Variants in BCAR3 observed in about 807,000 individuals in gnomAD.
BCAR3 encodes BCAR3 adaptor protein, NSP family member, also known as breast cancer anti-estrogen resistance protein 3.
Under a neutral mutation model 80.1 loss-of-function variants are expected in BCAR3, and 37 were observed. The observed-to-expected ratio is 0.46, with a 90% CI of 0.36 to 0.61. The LOEUF is 0.61. Among genes scored for constraint, BCAR3 ranks in the 20% least tolerant of loss-of-function variants. The pLI is 0.00. For missense variants in BCAR3, 978 were observed against 1,068.2 expected, an observed-to-expected ratio of 0.92 and a Z score of 1.18; for synonymous variants, 389 against 418.9, an observed-to-expected ratio of 0.93 and a Z score of 0.87.
At chr1:93,736,888 A>G (rs1036062190) in intron 2 of BCAR3, among the ~76,000 whole-genome samples, 1 of 152,192 alleles carries the variant, frequency 6.6e-6, no homozygotes, top group Non-Finnish European at 1.5e-5. Context: ...ATTTTATGCT[A>G]TAGACCTTTC....
intron 3 of BCAR3, chr1:93,599,169 G>A (rs1674539240): frequency 6.6e-6 from 1 of 152,128 alleles, no homozygotes; most frequent in South Asian, 2.1e-4. Context: ...AGATGGAACT[G>A]AGCGAAGAAG....
intron 2 of BCAR3, among the ~76,000 whole-genome samples, chr1:93,728,443 GA>G (rs1650670696): frequency 1.3e-5 from 2 of 152,226 alleles, no homozygotes; most frequent in African/African-American, 4.8e-5. Context: ...AGTTCAATTA[GA>G]CCCTCTACCC....
intron 3 of BCAR3, among the ~76,000 whole-genome samples, chr1:93,593,344 C>CA: frequency 6.6e-6 from 1 of 152,168 alleles, no homozygotes; most frequent in Non-Finnish European, 1.5e-5. Context: ...TATCACACTA[C>CA]TTTTTAAAAA....
chr1:93,751,766 G>A (rs1283745027), intron 2 of BCAR3, among the ~76,000 whole-genome samples: 1 of 152,164 alleles, frequency 6.6e-6, no homozygotes, highest in Non-Finnish European at 1.5e-5. Flanking sequence ...ACATGCTGGT[G>A]CTCTCAGCCA....
chr1:93,719,507 AT>A (rs1239186563), intron 2 of BCAR3, among the ~76,000 whole-genome samples: 1 of 151,158 alleles, frequency 6.6e-6, no homozygotes, highest in Non-Finnish European at 1.5e-5. Context: ...CGCCCGGCTA[AT>A]TTTTTTGTAT....
intron 2 of BCAR3, among the ~76,000 whole-genome samples, chr1:93,798,477 C>G (rs1399141009): frequency 6.6e-6 from 1 of 152,104 alleles, no homozygotes; most frequent in Non-Finnish European, 1.5e-5. Flanking sequence ...TCCAGAAGAT[C>G]AGAAACTTGA....
chr1:93,656,493 G>T (rs1647385400), intron 2 of BCAR3, among the ~76,000 whole-genome samples: 1 of 150,652 alleles, frequency 6.6e-6, no homozygotes, highest in African/African-American at 2.4e-5. Flanking sequence ...ATTATAGTAG[G>T]TTCTTTTTAT....
Position 93,739,449 on chromosome 1 carries a change from T to C in BCAR3, c.-62-33307A>G, listed in dbSNP as rs541232853. Among the ~76,000 whole-genome samples the C allele has an allele frequency of 5.3e-5, 8 of 152,356 alleles. No individual in the cohort carries two copies. In the South Asian group the frequency reaches 1.7e-3, roughly 32 times the overall value. ...TTAAAATCTTTATGTTTTAATCTTT[T>C]AATACAGTATTAAAATATTCTAAAA... is the stretch of plus-strand genomic sequence containing the variant. On this transcript the variant is annotated intron_variant, in intron 2 of 13. Coordinates refer to the BCAR3 transcript ENST00000370244.
In BCAR3 at chr1:93,749,269, AC is replaced by A. The variant is rs561726478; in HGVS notation, c.-62-43128del. On this transcript the variant is annotated intron_variant, in intron 2 of 13. Transcript: ENST00000370244. Reference sequence around the variant, plus strand: ...TTTCTTCATGGTTTTCCCTCTTATTACCCTTTCCTCACAGTATTTTTAAAAA... The same window carrying A: ...TTTCTTCATGGTTTTCCCTCTTATTACCTTTCCTCACAGTATTTTTAAAAA... 6.4e-3 allele frequency among the ~76,000 whole-genome samples: 976 copies of A among 151,710 alleles called. 15 individuals are homozygous for A. The highest frequency in any genetic ancestry group is 0.023 in the African/African-American group (947 of 41,306).
At chr1:93,622,178 C>T (rs571460388) in intron 3 of BCAR3, among the ~76,000 whole-genome samples, 2 of 152,302 alleles carry the variant, frequency 1.3e-5, no homozygotes, top group South Asian at 4.1e-4. Context: ...GGATTACAGG[C>T]GTGAGCCACC....
At chr1:93,680,448 C>T (rs996496243) in intron 1 of BCAR3, among the ~76,000 whole-genome samples, 1 of 152,156 alleles carries the variant, frequency 6.6e-6, no homozygotes, top group Non-Finnish European at 1.5e-5. Context: ...CCCGGGTAGC[C>T]CCTTCCCACT....
chr1:93,786,526 T>C (rs1365716143), intron 2 of BCAR3, among the ~76,000 whole-genome samples: 1 of 152,188 alleles, frequency 6.6e-6, no homozygotes, highest in African/African-American at 2.4e-5. Context: ...ATAATCAAAA[T>C]AAATGAATGT....
intron 5 of BCAR3, chr1:93,585,262 A>G (rs556888614): frequency 1.0e-6 from 1 of 954,372 alleles, no homozygotes; most frequent in Admixed American, 6.2e-5. Context: ...CCAGAGCTGC[A>G]TAAGGGAGCC....
intron 2 of BCAR3, among the ~76,000 whole-genome samples, chr1:93,715,442 A>G (rs1650162819): frequency 6.6e-6 from 1 of 152,160 alleles, no homozygotes; most frequent in Non-Finnish European, 1.5e-5. Flanking sequence ...GAGGAAAAGG[A>G]GGTTCTGGAG....
At chr1:93,724,759 T>C (rs1015517781) in intron 2 of BCAR3, among the ~76,000 whole-genome samples, 12 of 152,188 alleles carry the variant, frequency 7.9e-5, no homozygotes, top group African/African-American at 2.2e-4. Flanking sequence ...GGGAAGCCGA[T>C]GCAATGTCCT....
At chr1:93,791,018 G>A (rs1229753055) in intron 2 of BCAR3, among the ~76,000 whole-genome samples, 1 of 82,156 alleles carries the variant, frequency 1.2e-5, no homozygotes. Context: ...ATTCCATGGT[G>A]TACATGTGCC....
In BCAR3 at chr1:93,664,932, C is replaced by T. The variant is rs1041118376; in HGVS notation, c.317+9682G>A. On this transcript the variant is annotated intron_variant, in intron 2 of 11. Transcript: ENST00000260502. Reference sequence around the variant, plus strand: ...ATCCCACCAGTCCCATCTACCCCACCCCCACCCATTCCCTACCGGCTTCTG... The same window carrying T: ...ATCCCACCAGTCCCATCTACCCCACTCCCACCCATTCCCTACCGGCTTCTG... Among the ~76,000 whole-genome samples the T allele has an allele frequency of 2.6e-5, 4 of 152,040 alleles. No individual in the cohort carries two copies. In the South Asian group the frequency reaches 8.3e-4, roughly 32 times the overall value.
intron 2 of BCAR3, among the ~76,000 whole-genome samples, chr1:93,779,868 GAAC>G (rs1397057258): frequency 6.6e-6 from 1 of 152,168 alleles, no homozygotes; most frequent in Admixed American, 6.5e-5. Flanking sequence ...CCCAGGATGT[GAAC>G]AACATGACCC....
At chr1:93,588,776 C>T (rs1469324141) in intron 5 of BCAR3, among the ~76,000 whole-genome samples, 4 of 152,122 alleles carry the variant, frequency 2.6e-5, no homozygotes. Flanking sequence ...GAAATTCTTC[C>T]TCAGCTCCTG....
Sources: gnomAD v4.1 joint callset for allele counts (sites outside exome capture counted in the v4.1 genomes callset) on GRCh38, gnomAD v4.1.1 for gene constraint, MANE v1.5 for transcripts, NCBI Gene and HGNC (gene_info 2026-07-23, HGNC 2026-07-21) for gene names.